The following TBC1D22A variants were observed in gnomAD, a reference collection of about 807,000 sequenced individuals.
The protein encoded by TBC1D22A is TBC1 domain family member 22A, also known as putative GTPase activator.
Under a neutral mutation model 60.2 loss-of-function variants are expected in TBC1D22A, and 38 were observed. The ratio of observed to expected loss-of-function variants is 0.63; its 90% confidence interval spans 0.49 to 0.83. TBC1D22A has a LOEUF of 0.83. Ranked by LOEUF, TBC1D22A falls within the 40% of genes least tolerant of loss-of-function variation. TBC1D22A has a pLI of 0.00. For synonymous variants in TBC1D22A, 302 were observed against 281.7 expected (o/e 1.07, Z -0.72); for missense variants, 628 against 701.0 (o/e 0.90, Z 1.18).
At chr22:47,052,847 C>T (rs73170409) in intron 11 of TBC1D22A, among the ~76,000 whole-genome samples, 1,931 of 152,328 alleles carry the variant, frequency 0.013, 22 homozygotes, top group Admixed American at 0.022. Flanking sequence ...CGGTGGTGCC[C>T]GTCTGTGTTG....
intron 12 of TBC1D22A, among the ~76,000 whole-genome samples, chr22:47,145,249 G>A (rs2067246399): frequency 6.6e-6 from 1 of 152,208 alleles, no homozygotes; most frequent in Non-Finnish European, 1.5e-5. Flanking sequence ...GTTCCTCTGT[G>A]GAGAGGCTCG....
intron 12 of TBC1D22A, among the ~76,000 whole-genome samples, chr22:47,114,113 A>T (rs1034253758): frequency 6.6e-6 from 1 of 152,180 alleles, no homozygotes; most frequent in South Asian, 2.1e-4. Context: ...GGCCGGAGAC[A>T]TTGCTCTGCT....
chr22:46,962,926 T>A (rs62232720), intron 8 of TBC1D22A, among the ~76,000 whole-genome samples: 9,049 of 152,092 alleles, frequency 0.059, 377 homozygotes, highest in Non-Finnish European at 0.09. Flanking sequence ...AAAGAATCAG[T>A]GCCTGGGCCG....
chr22:46,994,198 T>A (rs1446485376), intron 9 of TBC1D22A, among the ~76,000 whole-genome samples: 1 of 152,236 alleles, frequency 6.6e-6, no homozygotes, highest in African/African-American at 2.4e-5. Context: ...AAAACAAAAC[T>A]GTGCCAGATG....
In TBC1D22A at chr22:47,135,021, C is replaced by T. The variant is rs2066811842; in HGVS notation, c.1425+23418C>T. ...CGCTCCCTCAGGCCTCAGCCAGCCTCATCGGGACCCCTCTTGCACCTGTGG... is the reference window on the plus strand; with the variant it reads ...CGCTCCCTCAGGCCTCAGCCAGCCTTATCGGGACCCCTCTTGCACCTGTGG... On this transcript the variant is annotated intron_variant, in intron 12 of 12. Transcript: ENST00000337137. Among the ~76,000 whole-genome samples the T allele has an allele frequency of 1.3e-5, 2 of 152,262 alleles. 1 individual carries two copies. The highest frequency in any genetic ancestry group is 4.1e-4 in the South Asian group (2 of 4,836).
At chr22:46,811,227 A>G (rs530553068) in intron 4 of TBC1D22A, among the ~76,000 whole-genome samples, 154 of 152,294 alleles carry the variant, frequency 1.0e-3, no homozygotes, top group African/African-American at 3.5e-3. Context: ...AGGAAGACCC[A>G]TTGCATGGAG....
intron 12 of TBC1D22A, among the ~76,000 whole-genome samples, chr22:47,134,477 C>T (rs1034935185): frequency 7.9e-5 from 12 of 152,244 alleles, no homozygotes; most frequent in African/African-American, 2.9e-4. Flanking sequence ...CCAGGACAGG[C>T]CTCACTCAGG....
intron 1 of TBC1D22A, among the ~76,000 whole-genome samples, chr22:46,767,886 C>T (rs902537473): frequency 3.9e-5 from 6 of 151,952 alleles, no homozygotes; most frequent in South Asian, 2.1e-4. Flanking sequence ...TCGTGGGGTG[C>T]GTCATGAAAG....
chr22:46,984,564 A>G (rs4440), intron 9 of TBC1D22A, among the ~76,000 whole-genome samples: 36,552 of 151,966 alleles, frequency 0.24, 4,714 homozygotes, highest in East Asian at 0.29. Context: ...CCCTGAAGTC[A>G]TACTGCTACT....
chr22:47,051,690 G>T (rs538988637), intron 11 of TBC1D22A, among the ~76,000 whole-genome samples: 4 of 152,326 alleles, frequency 2.6e-5, no homozygotes, highest in African/African-American at 9.6e-5. Flanking sequence ...CTGGCCGCTT[G>T]CCTGGGGTGG....
At chr22:47,074,106 A>G (rs1824125905) in intron 11 of TBC1D22A, among the ~76,000 whole-genome samples, 1 of 152,218 alleles carries the variant, frequency 6.6e-6, no homozygotes, top group African/African-American at 2.4e-5. Context: ...ACCCAGTCTC[A>G]AAAGCAAAAC....
intron 4 of TBC1D22A, among the ~76,000 whole-genome samples, chr22:46,840,073 A>G (rs2086685600): frequency 6.6e-6 from 1 of 152,226 alleles, no homozygotes; most frequent in Non-Finnish European, 1.5e-5. Flanking sequence ...AAAACATAAA[A>G]CATAAGCAAA....
intron 1 of TBC1D22A, among the ~76,000 whole-genome samples, chr22:46,787,127 T>A (rs1438056468): frequency 6.6e-6 from 1 of 152,258 alleles, no homozygotes; most frequent in East Asian, 1.9e-4. Flanking sequence ...TTGTTCATAA[T>A]ATTCTCATAA....
At chr22:46,974,675 G>GCCA (rs1411088108) in intron 9 of TBC1D22A, among the ~76,000 whole-genome samples, 1 of 152,338 alleles carries the variant, frequency 6.6e-6, no homozygotes, top group East Asian at 1.9e-4. Context: ...GCAGACTGTA[G>GCCA]CCACCACCAC....
intron 7 of TBC1D22A, among the ~76,000 whole-genome samples, chr22:46,911,190 G>T (rs552389498): frequency 6.6e-6 from 1 of 152,120 alleles, no homozygotes; most frequent in Non-Finnish European, 1.5e-5. Context: ...AGAGGTGGTG[G>T]AGAGAGGGTC....
chr22:46,975,504 G>A (rs1326577062), intron 9 of TBC1D22A, among the ~76,000 whole-genome samples: 1 of 152,154 alleles, frequency 6.6e-6, no homozygotes, highest in African/African-American at 2.4e-5. Context: ...GAGAGCTGGG[G>A]CCTCCCGGGA....
chr22:46,896,763 C>T (rs556128063), intron 7 of TBC1D22A, among the ~76,000 whole-genome samples: 11 of 152,250 alleles, frequency 7.2e-5, no homozygotes, highest in African/African-American at 2.6e-4. Flanking sequence ...GGGTGCACAC[C>T]GCCCACTGGT....
chr22:46,788,216 G>A (rs924707026), intron 1 of TBC1D22A, among the ~76,000 whole-genome samples: 1 of 152,050 alleles, frequency 6.6e-6, no homozygotes, highest in African/African-American at 2.4e-5. Context: ...GATTACAGGC[G>A]TGAGCCACCA....
At chr22:46,847,465 C>G (rs1226190750) in intron 4 of TBC1D22A, among the ~76,000 whole-genome samples, 1 of 152,194 alleles carries the variant, frequency 6.6e-6, no homozygotes, top group Non-Finnish European at 1.5e-5. Context: ...TTCTGTTTGT[C>G]AAGAACATTT....
Sources: allele counts gnomAD v4.1 joint callset (sites outside exome capture counted in the v4.1 genomes callset), GRCh38; gene constraint gnomAD v4.1.1; transcripts MANE v1.5; gene names NCBI Gene and HGNC (gene_info 2026-07-23, HGNC 2026-07-21).